CAPZB: variants seen among roughly 807,000 people sequenced by gnomAD.
CAPZB encodes capping actin protein of muscle Z-line subunit beta.
In CAPZB, 2 loss-of-function variants were observed where a neutral mutation model predicts 38.1. The ratio of observed to expected loss-of-function variants is 0.05; its 90% confidence interval spans 0.02 to 0.17. The LOEUF (loss-of-function observed/expected upper bound fraction) is 0.17, where lower values mean the gene tolerates loss of function less well. CAPZB is among the 10% of genes least tolerant of loss of function. The pLI, the probability that CAPZB is intolerant of heterozygous loss-of-function variation, is 1.00. For missense variants in CAPZB, 161 were observed against 334.2 expected, an observed-to-expected ratio of 0.48 and a Z score of 4.04; for synonymous variants, 107 against 127.4, an observed-to-expected ratio of 0.84 and a Z score of 1.08.
Position 19,356,779 on chromosome 1 carries a change from A to G in CAPZB, c.472-28T>C. On this transcript the variant is annotated intron_variant, in intron 5 of 8. Coordinates refer to ENST00000264202, the MANE Select transcript of CAPZB (RefSeq NM_004930.5). This position sits in a 1 kb window ranked among gnomAD's most constrained non-coding sequence, Gnocchi z 4.3. ...GGAAGGACAAGACAGAGATCTGTTGAGCTGAGGGAGAGCCTGAAGTGGCCC... is the reference window on the plus strand; with the variant it reads ...GGAAGGACAAGACAGAGATCTGTTGGGCTGAGGGAGAGCCTGAAGTGGCCC... 6.6e-7 allele frequency: 1 copy of G among 1,517,074 alleles called. No homozygotes were observed. Among genetic ancestry groups the G allele is most frequent in the Non-Finnish European group, 9.1e-7 (1 of 1,093,292 alleles). The allele number at this position is 1,517,074 out of a possible 1,614,324, so 94.0% of individuals were successfully genotyped here.
chr1:19,446,854 T>G (rs537285000), intron 1 of CAPZB, among the ~76,000 whole-genome samples: 2 of 152,336 alleles, frequency 1.3e-5, no homozygotes, highest in Non-Finnish European at 2.9e-5. Flanking sequence ...TTTTTTCCCC[T>G]CCTTTCATAT....
At chr1:19,412,757 T>G (rs1282495716) in intron 2 of CAPZB, among the ~76,000 whole-genome samples, 1 of 152,148 alleles carries the variant, frequency 6.6e-6, no homozygotes, top group African/African-American at 2.4e-5. Context: ...AGAAACCGGT[T>G]AAAAGGTGGC....
At chr1:19,362,299 T>G (rs1196323040) in intron 4 of CAPZB, among the ~76,000 whole-genome samples, 3 of 152,172 alleles carry the variant, frequency 2.0e-5, no homozygotes, top group Non-Finnish European at 4.4e-5. Context: ...TGCAGTGGCA[T>G]GACCTCAGCT....
intron 1 of CAPZB, among the ~76,000 whole-genome samples, chr1:19,436,340 G>A (rs2094458098): frequency 6.6e-6 from 1 of 152,170 alleles, no homozygotes; most frequent in Non-Finnish European, 1.5e-5. Context: ...CAGATCCACT[G>A]TCATGGTGTC....
chr1:19,387,302 C>G (rs957554569), intron 2 of CAPZB, among the ~76,000 whole-genome samples: 29 of 152,354 alleles, frequency 1.9e-4, no homozygotes, highest in African/African-American at 6.5e-4. Context: ...AGGGGAAGGA[C>G]AGTGCATGCT....
At chr1:19,419,296 C>CA (rs2094392348) in intron 2 of CAPZB, among the ~76,000 whole-genome samples, 1 of 152,194 alleles carries the variant, frequency 6.6e-6, no homozygotes, top group South Asian at 2.1e-4. Context: ...CACACCATAG[C>CA]AGAGACTGAC....
At chr1:19,428,296 G>A (rs554460447) in intron 1 of CAPZB, among the ~76,000 whole-genome samples, 24 of 152,068 alleles carry the variant, frequency 1.6e-4, no homozygotes, top group Non-Finnish European at 2.5e-4. Flanking sequence ...CCAGCTACAC[G>A]GGAGGCTGAG....
chr1:19,441,329 C>A (rs946808374), intron 1 of CAPZB, among the ~76,000 whole-genome samples: 2 of 152,098 alleles, frequency 1.3e-5, no homozygotes, highest in Non-Finnish European at 2.9e-5. Context: ...GGGGACATTT[C>A]TTGGAAATAA....
chr1:19,457,989 GAA>G (rs1417610680), intron 1 of CAPZB, among the ~76,000 whole-genome samples: 1 of 151,278 alleles, frequency 6.6e-6, no homozygotes. Flanking sequence ...GATAATGTGG[GAA>G]AAGTCTTAGG....
intron 4 of CAPZB, among the ~76,000 whole-genome samples, chr1:19,361,028 C>T (rs2094049920): frequency 6.6e-6 from 1 of 152,160 alleles, no homozygotes; most frequent in African/African-American, 2.4e-5. Context: ...TTTTATATAA[C>T]TGTAAGCACA....
chr1:19,343,449 C>T (rs772821890), intron 8 of CAPZB, among the ~76,000 whole-genome samples: 1 of 152,240 alleles, frequency 6.6e-6, no homozygotes, highest in Non-Finnish European at 1.5e-5. Flanking sequence ...CCGCTAAAGG[C>T]ATAGCACAGC....
intron 1 of CAPZB, among the ~76,000 whole-genome samples, chr1:19,475,572 C>T (rs974928954): frequency 1.3e-5 from 2 of 152,190 alleles, no homozygotes; most frequent in Admixed American, 1.3e-4. Flanking sequence ...GGGCAGACCC[C>T]GCTCGGCTCC....
chr1:19,418,535 G>A (rs1254042987), intron 2 of CAPZB, among the ~76,000 whole-genome samples: 1 of 152,130 alleles, frequency 6.6e-6, no homozygotes, highest in African/African-American at 2.4e-5. Flanking sequence ...AGCAGCCAGT[G>A]ACCTCAAGAA....
intron 1 of CAPZB, among the ~76,000 whole-genome samples, chr1:19,476,475 G>A (rs2094607314): frequency 6.6e-6 from 1 of 152,200 alleles, no homozygotes. Flanking sequence ...ATCTTACACT[G>A]TATATGGTGA....
chr1:19,400,285 G>A (rs1297893488), intron 2 of CAPZB, among the ~76,000 whole-genome samples: 2 of 152,106 alleles, frequency 1.3e-5, no homozygotes, highest in African/African-American at 2.4e-5. Flanking sequence ...AGTTAAAGGG[G>A]GTGATGATGG....
At chr1:19,393,316 C>T (rs562390219) in intron 2 of CAPZB, among the ~76,000 whole-genome samples, 6 of 152,354 alleles carry the variant, frequency 3.9e-5, no homozygotes, top group African/African-American at 1.4e-4. Flanking sequence ...CTCCCAGAGA[C>T]TCAGGCAAGT....
At chr1:19,483,602 G>A (rs1406064260) in intron 1 of CAPZB, among the ~76,000 whole-genome samples, 1 of 152,210 alleles carries the variant, frequency 6.6e-6, no homozygotes, top group Non-Finnish European at 1.5e-5. Flanking sequence ...GGGGACTGAG[G>A]CACTTTCCCA....
At chr1:19,454,468 A>G (rs1055497319) in intron 1 of CAPZB, among the ~76,000 whole-genome samples, 1 of 152,208 alleles carries the variant, frequency 6.6e-6, no homozygotes, top group Non-Finnish European at 1.5e-5. Context: ...GGAAAGTTAT[A>G]TAAGAGTCCT....
chr1:19,447,796 G>A (rs982296401), intron 1 of CAPZB, among the ~76,000 whole-genome samples: 4 of 152,206 alleles, frequency 2.6e-5, no homozygotes, highest in South Asian at 4.1e-4. Context: ...GCTCCTCTCC[G>A]CCTCGGTGGC....
Sources: allele counts gnomAD v4.1 joint callset (sites outside exome capture counted in the v4.1 genomes callset), GRCh38; gene constraint gnomAD v4.1.1; non-coding constraint Gnocchi (gnomAD v3.1); transcripts MANE v1.5; gene names NCBI Gene and HGNC (gene_info 2026-07-23, HGNC 2026-07-21).